Variants in MAP4K4 observed in about 807,000 individuals in gnomAD.
The protein encoded by MAP4K4 is mitogen-activated protein kinase kinase kinase kinase 4, also known as HPK/GCK-like kinase HGK.
A neutral mutation model predicts 189.6 loss-of-function variants in MAP4K4; 38 were observed. The observed-to-expected ratio is 0.20, with a 90% CI of 0.15 to 0.26. The LOEUF is 0.26. MAP4K4 is among the 10% of genes least tolerant of loss of function. The pLI is 1.00. For missense variants in MAP4K4, 1,054 were observed against 1,726.9 expected (o/e 0.61, Z 6.91); for synonymous variants, 610 against 624.3 (o/e 0.98, Z 0.34).
At chr2:101,835,259 C>T (rs995696629) in intron 8 of MAP4K4, among the ~76,000 whole-genome samples, 1 of 152,196 alleles carries the variant, frequency 6.6e-6, no homozygotes, top group African/African-American at 2.4e-5. Flanking sequence ...GTATTGTCTG[C>T]CTCTCCTCAT....
intron 2 of MAP4K4, among the ~76,000 whole-genome samples, chr2:101,719,845 C>G (rs1377468992): frequency 6.6e-6 from 1 of 151,966 alleles, no homozygotes; most frequent in Non-Finnish European, 1.5e-5. Flanking sequence ...AACCCCGTCT[C>G]TACTAAAAAT....
exon 1 of MAP4K4, chr2:101,697,792 A>G (rs2149079231): frequency 7.0e-6 from 1 of 143,222 alleles, no homozygotes. Flanking sequence ...CCGGGGCCTG[A>G]GGCGGCGGGC....
exon 12 of MAP4K4, chr2:101,844,104 C>G: frequency 6.2e-7 from 1 of 1,610,260 alleles, no homozygotes; most frequent in East Asian, 2.2e-5. Flanking sequence ...CCAACAGTTC[C>G]ATTGTGAACG....
At position 101,733,268 on chromosome 2, in the gene MAP4K4, T is replaced by C. The variant is rs1026845519; in HGVS notation, c.123+34730T>C. Among the ~76,000 whole-genome samples, 3 of 152,072 alleles carry C rather than the reference T, an allele frequency of 2.0e-5. No homozygotes were observed. In the South Asian group the frequency reaches 6.2e-4, roughly 31 times the overall value. On this transcript the variant is annotated intron_variant, in intron 2 of 32. Coordinates refer to ENST00000324219, the Ensembl canonical transcript of MAP4K4. ...TGGCGATGGGGGGATGCAGGGATGA[T>C]GAGGAAAGGCCTCACTCTTTGAGTG... is the stretch of plus-strand genomic sequence containing the variant.
intron 27 of MAP4K4, among the ~76,000 whole-genome samples, chr2:101,881,835 C>T (rs2098400711): frequency 1.3e-5 from 2 of 151,908 alleles, no homozygotes; most frequent in South Asian, 4.1e-4. Context: ...CGTTGCCCCC[C>T]ATCATTTTTG....
chr2:101,705,401 C>T (rs2041777138), intron 2 of MAP4K4, among the ~76,000 whole-genome samples: 1 of 145,196 alleles, frequency 6.9e-6, no homozygotes, highest in South Asian at 2.1e-4. Context: ...GCCCAGCACA[C>T]TTGTGTTCAG....
chr2:101,784,109 ACCATGGTGGGT>A (rs1374387570), intron 2 of MAP4K4, among the ~76,000 whole-genome samples: 3 of 152,210 alleles, frequency 2.0e-5, no homozygotes, highest in African/African-American at 7.2e-5. Context: ...AGCCGCAGCC[ACCATGGTGGGT>A]CCACCTCACT....
rs1224495620 is a variant in MAP4K4 at position 101,729,097 on chromosome 2, A to AGTGTGTGTGT, written c.123+30560_123+30561insTGTGTGTGTG. On this transcript the variant is annotated intron_variant, in intron 2 of 32. Transcript: ENST00000324219. ...AGAGAGGAGAGAGAGAGAGAGAGAG[A>AGTGTGTGTGT]GAGAGTGTGTGTGTGTGTGTGTGTG... Among the ~76,000 whole-genome samples, 6 of 64,926 alleles carry AGTGTGTGTGT rather than the reference A, an allele frequency of 9.2e-5. No homozygotes were observed. In the East Asian group the frequency reaches 3.2e-3, roughly 35 times the overall value. 42.6% of individuals were successfully genotyped at this position (64,926 alleles called of 152,430 possible). A position where few individuals can be genotyped will look rare whatever the true frequency, so the allele number is the denominator to read the frequency against.
chr2:101,852,426 A>G (rs953064645), intron 12 of MAP4K4, among the ~76,000 whole-genome samples: 8 of 152,146 alleles, frequency 5.3e-5, no homozygotes, highest in Non-Finnish European at 1.2e-4. Flanking sequence ...GATATTTACT[A>G]TAGGGGGAAA....
At chr2:101,835,523 A>G (rs904905060) in intron 8 of MAP4K4, among the ~76,000 whole-genome samples, 1 of 152,224 alleles carries the variant, frequency 6.6e-6, no homozygotes, top group Non-Finnish European at 1.5e-5. Context: ...CAGGCATTGT[A>G]TGAAGGCCTT....
At chr2:101,704,521 A>ATG (rs36106185) in intron 2 of MAP4K4, among the ~76,000 whole-genome samples, 32 of 57,396 alleles carry the variant, frequency 5.6e-4, no homozygotes, top group Non-Finnish European at 7.4e-4. Flanking sequence ...CCAATATTTT[A>ATG]TGTGTGTGTG....
intron 2 of MAP4K4, among the ~76,000 whole-genome samples, chr2:101,785,291 G>T (rs1463614015): frequency 6.6e-6 from 1 of 152,198 alleles, no homozygotes; most frequent in Non-Finnish European, 1.5e-5. Context: ...AATGGAAAAA[G>T]TGCTGTTGAG....
chr2:101,779,174 G>A (rs1296983019), intron 2 of MAP4K4, among the ~76,000 whole-genome samples: 2 of 152,154 alleles, frequency 1.3e-5, no homozygotes, highest in African/African-American at 4.8e-5. Context: ...CCTTTGTGGA[G>A]TGAGAGAGGA....
chr2:101,836,409 A>G lies in MAP4K4; in HGVS notation c.773+431A>G, dbSNP rs537985344. The stretch of plus-strand genomic sequence containing the variant: ...AGACCAGCCTGACCAACATGGAGAA[A>G]CCCCGTCTCTACTATAAAACAACAC... On this transcript the variant is annotated intron_variant, in intron 9 of 32. Coordinates refer to ENST00000324219, the Ensembl canonical transcript of MAP4K4. Among the ~76,000 whole-genome samples, 31 of 152,156 alleles carry G rather than the reference A, an allele frequency of 2.0e-4. 1 individual carries two copies. Among genetic ancestry groups the G allele is most frequent in the Admixed American group, 7.8e-4 (12 of 15,290 alleles).
chr2:101,730,856 G>T (rs755278223), intron 2 of MAP4K4, among the ~76,000 whole-genome samples: 6 of 151,816 alleles, frequency 4.0e-5, no homozygotes, highest in Non-Finnish European at 7.4e-5. Context: ...GACCATCCTG[G>T]CTAACACAGT....
chr2:101,857,731 A>G (rs6734461), intron 13 of MAP4K4, among the ~76,000 whole-genome samples: 1 of 151,318 alleles, frequency 6.6e-6, no homozygotes, highest in African/African-American at 2.4e-5. Context: ...ACACCCCCCC[A>G]GTTGGCTTTT....
intron 32 of MAP4K4, among the ~76,000 whole-genome samples, chr2:101,890,862 G>A (rs965258284): frequency 2.6e-5 from 4 of 151,538 alleles, no homozygotes; most frequent in African/African-American, 9.7e-5. Context: ...CCGGGTTCAA[G>A]TGATTCTCAT....
intron 2 of MAP4K4, among the ~76,000 whole-genome samples, chr2:101,764,680 A>G (rs2077835019): frequency 6.6e-6 from 1 of 152,218 alleles, no homozygotes; most frequent in South Asian, 2.1e-4. Flanking sequence ...AGATTTCTGT[A>G]AAGCAGATTA....
intron 2 of MAP4K4, among the ~76,000 whole-genome samples, chr2:101,787,230 TG>T (rs1177347061): frequency 6.6e-6 from 1 of 152,190 alleles, no homozygotes; most frequent in Non-Finnish European, 1.5e-5. Flanking sequence ...TGAAGGAACA[TG>T]ATGTATTGCT....
Sources: allele counts gnomAD v4.1 joint callset (sites outside exome capture counted in the v4.1 genomes callset), GRCh38; gene constraint gnomAD v4.1.1; transcripts MANE v1.5; gene names NCBI Gene and HGNC (gene_info 2026-07-23, HGNC 2026-07-21).